Variants in SNX10 observed in about 807,000 individuals in gnomAD.
SNX10 encodes the protein sorting nexin 10.
Under a neutral mutation model 28.5 loss-of-function variants are expected in SNX10, and 25 were observed. That is an observed-to-expected ratio of 0.88 (90% CI 0.64 to 1.22). SNX10 has a LOEUF of 1.22. Ranked by LOEUF, SNX10 falls within the 50% of genes most tolerant of loss-of-function variation. The pLI, the probability that SNX10 is intolerant of heterozygous loss-of-function variation, is 0.00. For missense variants in SNX10, 223 were observed against 242.6 expected (o/e 0.92, Z 0.54); for synonymous variants, 62 against 81.4 (o/e 0.76, Z 1.28).
In SNX10 at chr7:26,348,254, A is replaced by G. The variant is rs112422848; in HGVS notation, c.24+1788A>G. The stretch of plus-strand genomic sequence containing the variant: ...TGCTTTTTTCCATCTCATTTTAAGT[A>G]ATCCTGAGACCAAGCTGCTTGTTCC... On this transcript the variant is annotated intron_variant, in intron 2 of 6. Coordinates refer to ENST00000338523, the MANE Select transcript of SNX10 (RefSeq NM_013322.3). Among the ~76,000 whole-genome samples the G allele has an allele frequency of 3.8e-3, 586 of 152,238 alleles. 5 individuals carry two copies. Among genetic ancestry groups the G allele is most frequent in the African/African-American group, 0.014 (563 of 41,540 alleles).
Position 26,353,256 on chromosome 7 carries a change from CTTAAG to C in SNX10, c.24+6794_24+6798del, listed in dbSNP as rs377295298. Among the ~76,000 whole-genome samples the C allele has an allele frequency of 2.2e-3, 341 of 152,170 alleles. 4 individuals are homozygous for C. The highest frequency in any genetic ancestry group is 7.7e-3 in the African/African-American group (318 of 41,478). ...AAGTAATATCCCTTGTCATATGTCT[CTTAAG>C]TTATTTGTTACAGCTGTTATTAGGA... is the stretch of plus-strand genomic sequence containing the variant. On this transcript the variant is annotated intron_variant, in intron 2 of 6. Transcript: ENST00000338523.
At chr7:26,361,593 A>G (rs1443036350) in intron 3 of SNX10, among the ~76,000 whole-genome samples, 4 of 152,236 alleles carry the variant, frequency 2.6e-5, no homozygotes, top group African/African-American at 9.6e-5. Flanking sequence ...ATGCTACTGT[A>G]TCACAATCTC....
At chr7:26,330,309 G>C (rs1272429483) in intron 1 of SNX10, among the ~76,000 whole-genome samples, 1 of 152,146 alleles carries the variant, frequency 6.6e-6, no homozygotes, top group African/African-American at 2.4e-5. Flanking sequence ...TAGGAAATGA[G>C]GGGGAGGAGG....
intron 1 of SNX10, among the ~76,000 whole-genome samples, chr7:26,334,742 T>G (rs2128006179): frequency 6.6e-6 from 1 of 152,328 alleles, no homozygotes; most frequent in South Asian, 2.1e-4. Context: ...TGCTGTCATA[T>G]CCTCTTTTTT....
At chr7:26,357,166 G>A (rs1264851693) in intron 2 of SNX10, 2 of 364,442 alleles carry the variant, frequency 5.5e-6, no homozygotes, top group Non-Finnish European at 9.3e-6. Context: ...GGTGAGTAGG[G>A]ACTATGCCCA....
chr7:26,374,136 C>T lies in SNX10; in HGVS notation c.*1564C>T, dbSNP rs1157904863. 4 of 152,010 alleles carry T rather than the reference C, an allele frequency of 2.6e-5. No homozygotes were observed. The highest frequency in any genetic ancestry group is 6.5e-5 in the Admixed American group (1 of 15,270). The allele number at this position is 152,010 out of a possible 1,614,324, so 9.4% of individuals were successfully genotyped here. A position where few individuals can be genotyped will look rare whatever the true frequency, so the allele number is the denominator to read the frequency against. On this transcript the variant is annotated 3_prime_UTR_variant, in exon 7 of 7. Coordinates refer to ENST00000338523, the MANE Select transcript of SNX10 (RefSeq NM_013322.3). ...AGGCATTTAAGAGCGATCCTCATCC[C>T]TTCAGCAATATGTATTTGAGTTCAC...
At chr7:26,347,427 G>A (rs77866782) in intron 2 of SNX10, among the ~76,000 whole-genome samples, 3,794 of 152,292 alleles carry the variant, frequency 0.025, 88 homozygotes, top group East Asian at 0.11. Context: ...GTGGTCCTAT[G>A]TACTCAGGAG....
intron 1 of SNX10, among the ~76,000 whole-genome samples, chr7:26,323,840 T>C (rs1187986483): frequency 6.6e-6 from 1 of 152,150 alleles, no homozygotes; most frequent in Non-Finnish European, 1.5e-5. Flanking sequence ...CATTTGGAAG[T>C]AGTGCCAACA....
chr7:26,295,323 A>G (rs1786068579), intron 1 of SNX10, among the ~76,000 whole-genome samples: 1 of 152,034 alleles, frequency 6.6e-6, no homozygotes. Context: ...CAGCCTCCCA[A>G]AGTGCTGGGA....
At chr7:26,357,193 A>T (rs771000755) in intron 2 of SNX10, 7 of 207,104 alleles carry the variant, frequency 3.4e-5, no homozygotes, top group Non-Finnish European at 1.0e-5. Context: ...TCCCAGAGAC[A>T]TTAGGGGCCC....
In SNX10 at chr7:26,365,114, C is replaced by T. The variant is rs774639290; in HGVS notation, c.280C>T (p.Arg94Cys). 1.4e-5 allele frequency: 23 copies of T among 1,612,578 alleles called. No individual in the cohort carries two copies. Among genetic ancestry groups the T allele is most frequent in the South Asian group, 2.2e-5 (2 of 91,034 alleles). ...NMNNRQHVDQ[R>C]RQGLEDFLRK... is the part of the protein sequence containing the mutation. ...GAACAATCGCCAGCACGTGGATCAGCGTCGCCAGGGTCTGGAAGATTTCCT... is the reference window on the plus strand; with the variant it reads ...GAACAATCGCCAGCACGTGGATCAGTGTCGCCAGGGTCTGGAAGATTTCCT... The change falls in exon 5 of 7, where the codon CGT (arginine) becomes TGT (cysteine). Residue 94 changes from arginine (R) to cysteine (C), a missense_variant. Arg to Cys is a radical substitution (Grantham distance 180). Transcript: ENST00000338523.
Position 26,371,670 on chromosome 7 carries a change from C to T in SNX10, c.312-151C>T, listed in dbSNP as rs1314882761. 5 of 569,636 alleles carry T rather than the reference C, an allele frequency of 8.8e-6. No homozygotes were observed. The African/African-American group carries it at 9.5e-5, about 11-fold the overall frequency. 35.3% of individuals were successfully genotyped at this position (569,636 alleles called of 1,614,324 possible). A position where few individuals can be genotyped will look rare whatever the true frequency, so the allele number is the denominator to read the frequency against. On this transcript the variant is annotated intron_variant, in intron 5 of 6. Coordinates refer to ENST00000338523, the MANE Select transcript of SNX10 (RefSeq NM_013322.3). ...TGAATAAAAGTTAACATATGCTTTC[C>T]TCCCCTTAATGGGCAGAGCCCATAA...
chr7:26,348,286 T>C (rs1387082000), intron 2 of SNX10, among the ~76,000 whole-genome samples: 1 of 152,136 alleles, frequency 6.6e-6, no homozygotes, highest in African/African-American at 2.4e-5. Context: ...TTCCGGGAAA[T>C]ACCCGCCCAT....
At chr7:26,338,558 C>T (rs948013138) in intron 1 of SNX10, among the ~76,000 whole-genome samples, 1 of 152,112 alleles carries the variant, frequency 6.6e-6, no homozygotes, top group African/African-American at 2.4e-5. Flanking sequence ...CCCGCCACCA[C>T]ACCTGGCTAA....
intron 2 of SNX10, among the ~76,000 whole-genome samples, chr7:26,346,692 G>C (rs1022324109): frequency 6.6e-6 from 1 of 152,220 alleles, no homozygotes; most frequent in East Asian, 1.9e-4. Context: ...CCCACAGCTC[G>C]TGACTCAGAA....
chr7:26,338,115 T>C (rs1357306580), intron 1 of SNX10, among the ~76,000 whole-genome samples: 1 of 148,762 alleles, frequency 6.7e-6, no homozygotes, highest in Non-Finnish European at 1.5e-5. Context: ...TTGTCCTTTT[T>C]TTTTTTTTTT....
intron 6 of SNX10, 94 bp downstream of exon 6, chr7:26,372,127 T>A: frequency 1.2e-6 from 1 of 810,868 alleles, no homozygotes; most frequent in Non-Finnish European, 1.9e-6. Flanking sequence ...ACACTTCACT[T>A]TTTTGTTGAT....
intron 2 of SNX10, among the ~76,000 whole-genome samples, chr7:26,355,393 A>T (rs7810434): frequency 0.059 from 9,051 of 152,270 alleles, 498 homozygotes; most frequent in East Asian, 0.25. Flanking sequence ...ATTGTGTTAA[A>T]CCTACAGATC....
intron 1 of SNX10, among the ~76,000 whole-genome samples, chr7:26,310,185 A>C (rs545848576): frequency 3.2e-4 from 48 of 152,280 alleles, no homozygotes; most frequent in African/African-American, 1.1e-3. Flanking sequence ...GGCTGGCCCG[A>C]GAGGCGGGCG....
Sources: allele counts gnomAD v4.1 joint callset (sites outside exome capture counted in the v4.1 genomes callset), GRCh38; gene constraint gnomAD v4.1.1; transcripts MANE v1.5; gene names NCBI Gene and HGNC (gene_info 2026-07-23, HGNC 2026-07-21).